ZMIZ1: variants seen among roughly 807,000 people sequenced by gnomAD.
The protein encoded by ZMIZ1 is zinc finger MIZ-type containing 1.
In ZMIZ1, 17 loss-of-function variants were observed where a neutral mutation model predicts 113.9. That is an observed-to-expected ratio of 0.15 (90% confidence interval 0.10 to 0.22). The LOEUF (loss-of-function observed/expected upper bound fraction) is 0.22, where lower values mean the gene tolerates loss of function less well. ZMIZ1 is among the 10% of genes least tolerant of loss of function. The pLI is 1.00. For synonymous variants in ZMIZ1, 607 were observed against 603.1 expected (o/e 1.01, Z -0.09); for missense variants, 1,059 against 1,477.8 (o/e 0.72, Z 4.65).
intron 2 of ZMIZ1, among the ~76,000 whole-genome samples, chr10:79,120,956 G>A (rs2132331873): frequency 6.6e-6 from 1 of 152,218 alleles, no homozygotes; most frequent in South Asian, 2.1e-4. Flanking sequence ...CCCAGCTTTG[G>A]TACAACAACC....
chr10:79,086,251 T>C lies in ZMIZ1; in HGVS notation c.-337+16981T>C, dbSNP rs111754986. Reference sequence around the variant, plus strand: ...CCGCCCCTCCTTACCTGGCAAACTTTGTCATTACCTCCTCCCAGGGACCTC... The same window carrying C: ...CCGCCCCTCCTTACCTGGCAAACTTCGTCATTACCTCCTCCCAGGGACCTC... On this transcript the variant is annotated intron_variant, in intron 1 of 24. Coordinates refer to ENST00000334512, the MANE Select transcript of ZMIZ1 (RefSeq NM_020338.4). Among the ~76,000 whole-genome samples, 579 of 152,274 alleles carry C rather than the reference T, an allele frequency of 3.8e-3. 6 individuals are homozygous for C. The highest frequency in any genetic ancestry group is 0.013 in the African/African-American group (530 of 41,556).
At chr10:79,253,725 C>T (rs767033995) in intron 7 of ZMIZ1, among the ~76,000 whole-genome samples, 4 of 152,186 alleles carry the variant, frequency 2.6e-5, no homozygotes, top group Non-Finnish European at 4.4e-5. Flanking sequence ...GGGATCCAGA[C>T]GCAGGAGGCT....
chr10:79,242,607 C>A, intron 7 of ZMIZ1, among the ~76,000 whole-genome samples: 1 of 151,746 alleles, frequency 6.6e-6, no homozygotes, highest in East Asian at 1.9e-4. Flanking sequence ...CTCCTCCACC[C>A]CCTCCCCGCC....
rs141338908 is a variant in ZMIZ1, at chr10:79,198,237, C to A, written c.-49-3347C>A. Among the ~76,000 whole-genome samples, 607 of 152,078 alleles carry A rather than the reference C, an allele frequency of 4.0e-3. 2 individuals are homozygous for A. Among genetic ancestry groups the A allele is most frequent in the African/African-American group, 9.4e-3 (388 of 41,474 alleles). On this transcript the variant is annotated intron_variant, in intron 4 of 24. Coordinates refer to ENST00000334512, the MANE Select transcript of ZMIZ1 (RefSeq NM_020338.4). ...TCACGCCACTGCACTCCAGCCTGGGCGACAGACTCTGTCTCAAAAACAAAC... is the reference window on the plus strand; with the variant it reads ...TCACGCCACTGCACTCCAGCCTGGGAGACAGACTCTGTCTCAAAAACAAAC...
At position 79,278,519 on chromosome 10, in the gene ZMIZ1, C is replaced by G. The variant is rs894673267; in HGVS notation, c.425+1194C>G. Reference sequence around the variant, plus strand: ...TTGGCAGGGTCATAGGACAATAGTGCAGGGAAGGTCAGCAGATAAACACGT... The same window carrying G: ...TTGGCAGGGTCATAGGACAATAGTGGAGGGAAGGTCAGCAGATAAACACGT... On this transcript the variant is annotated intron_variant, in intron 8 of 24. Coordinates refer to ENST00000334512, the MANE Select transcript of ZMIZ1 (RefSeq NM_020338.4). 1.3e-4 allele frequency among the ~76,000 whole-genome samples: 20 copies of G among 151,600 alleles called. No individual in the cohort carries two copies. In the East Asian group the frequency reaches 3.7e-3, roughly 28 times the overall value.
Position 79,291,006 on chromosome 10 carries a change from C to G in ZMIZ1, c.588C>G (p.Gly196=). The G allele has an allele frequency of 6.2e-7, 1 of 1,614,226 alleles. No homozygotes were observed. The highest frequency in any genetic ancestry group is 8.5e-7 in the Non-Finnish European group (1 of 1,180,028). The part of the protein sequence containing the change: ...MANANNPMNP[G]GNPMASGMTT... ...ATGCCAACAACCCCATGAATCCAGG[C>G]GGCAACCCCATGGCGTCGGGCATGA... Residue 196 remains glycine (G), a synonymous_variant, in exon 10 of 25, where the codon GGC becomes GGG. Transcript: ENST00000334512.
At chr10:79,080,376 G>A (rs962788749) in intron 1 of ZMIZ1, among the ~76,000 whole-genome samples, 1 of 146,948 alleles carries the variant, frequency 6.8e-6, no homozygotes, top group Admixed American at 7.0e-5. Flanking sequence ...GCACGATCTC[G>A]GCTCACTGCA....
intron 1 of ZMIZ1, among the ~76,000 whole-genome samples, chr10:79,093,325 A>G (rs1488873691): frequency 6.8e-6 from 1 of 147,070 alleles, no homozygotes; most frequent in Admixed American, 6.8e-5. Context: ...TTATTTATTT[A>G]TTTATTTATT....
chr10:79,132,642 A>G (rs1844819786), intron 2 of ZMIZ1, among the ~76,000 whole-genome samples: 1 of 152,240 alleles, frequency 6.6e-6, no homozygotes, highest in Middle Eastern at 3.2e-3. Flanking sequence ...TGTGTGGCCC[A>G]GAATTGGAAA....
At chr10:79,244,982 C>CT (rs553083478) in intron 7 of ZMIZ1, among the ~76,000 whole-genome samples, 1 of 152,174 alleles carries the variant, frequency 6.6e-6, no homozygotes, top group Admixed American at 6.5e-5. Context: ...AGCCTTTCCC[C>CT]TTTTTTTGTG....
chr10:79,160,410 A>G (rs1846065538), intron 3 of ZMIZ1, among the ~76,000 whole-genome samples: 1 of 152,210 alleles, frequency 6.6e-6, no homozygotes, highest in African/African-American at 2.4e-5. Flanking sequence ...CCACGGGGTC[A>G]TCCATGCATC....
chr10:79,303,961 A>T, intron 18 of ZMIZ1, 54 bp from the exon 19 acceptor site: 2 of 1,607,860 alleles, frequency 1.2e-6, no homozygotes, highest in Non-Finnish European at 1.7e-6. Context: ...CAGACCCCCT[A>T]CCTCTGCAGG....
intron 4 of ZMIZ1, among the ~76,000 whole-genome samples, chr10:79,200,419 C>T (rs1047042559): frequency 6.6e-6 from 1 of 152,276 alleles, no homozygotes; most frequent in Non-Finnish European, 1.5e-5. Flanking sequence ...AGGGCTTTTT[C>T]GAGCCGAAGG....
chr10:79,279,196 C>CCG (rs1399722357), intron 8 of ZMIZ1, among the ~76,000 whole-genome samples: 18 of 152,092 alleles, frequency 1.2e-4, no homozygotes, highest in Non-Finnish European at 2.2e-4. Context: ...AGGGGCTCCT[C>CCG]ACTTCCCGGA....
chr10:79,246,149 T>G (rs1486964747), intron 7 of ZMIZ1, among the ~76,000 whole-genome samples: 2 of 152,240 alleles, frequency 1.3e-5, no homozygotes, highest in African/African-American at 2.4e-5. Flanking sequence ...GGTTCACTTT[T>G]GCCCAAGGTC....
chr10:79,310,416 G>C (rs994563154), intron 23 of ZMIZ1, among the ~76,000 whole-genome samples: 7 of 152,212 alleles, frequency 4.6e-5, no homozygotes, highest in Non-Finnish European at 1.0e-4. Context: ...CCCCTGCCCA[G>C]GGCCCACTTG....
At chr10:79,071,438 A>C (rs1430832972) in intron 1 of ZMIZ1, among the ~76,000 whole-genome samples, 1 of 152,192 alleles carries the variant, frequency 6.6e-6, no homozygotes, top group Non-Finnish European at 1.5e-5. Context: ...GGGGCTGGAG[A>C]GCCGGGCAGC....
intron 7 of ZMIZ1, among the ~76,000 whole-genome samples, chr10:79,236,715 C>A (rs1029099812): frequency 6.6e-6 from 1 of 152,214 alleles, no homozygotes; most frequent in Non-Finnish European, 1.5e-5. Flanking sequence ...AGCAGGGCCA[C>A]CACACACCCT....
intron 7 of ZMIZ1, among the ~76,000 whole-genome samples, chr10:79,264,013 C>T (rs903102873): frequency 2.6e-5 from 4 of 152,200 alleles, no homozygotes; most frequent in African/African-American, 4.8e-5. Context: ...CTTCCATCTC[C>T]CTGAGAGCCA....
Sources: allele counts gnomAD v4.1 joint callset (sites outside exome capture counted in the v4.1 genomes callset), GRCh38; gene constraint gnomAD v4.1.1; transcripts MANE v1.5; gene names NCBI Gene and HGNC (gene_info 2026-07-23, HGNC 2026-07-21).